TMEM233: variants seen among roughly 807,000 people sequenced by gnomAD.
TMEM233 encodes the protein transmembrane protein 233, also known as dispanin subfamily B member 2.
TMEM233 carries 6 observed loss-of-function variants against 11.2 expected under a neutral mutation model. That is an observed-to-expected ratio of 0.54 (90% CI 0.29 to 1.06). The LOEUF is 1.06. Among genes scored for constraint, TMEM233 ranks in the 50% least tolerant of loss-of-function variants. TMEM233 has a pLI of 0.08. For synonymous variants in TMEM233, 59 were observed against 55.8 expected, an observed-to-expected ratio of 1.06 and a Z score of -0.26; for missense variants, 127 against 144.7, an observed-to-expected ratio of 0.88 and a Z score of 0.63.
In TMEM233 at chr12:119,642,229, T is replaced by G. The variant is rs1200543881; in HGVS notation, c.*1524T>G. On this transcript the variant is annotated 3_prime_UTR_variant, in exon 3 of 3. Transcript: ENST00000426426. The stretch of plus-strand genomic sequence containing the variant: ...CAGCAATTTGAGAGGCTGAGATCAC[T>G]TAAGGTCAGGAGTTTGAGACCAGCC... 6.6e-6 allele frequency: 1 copy of G among 152,038 alleles called. No individual in the cohort carries two copies. Among genetic ancestry groups the G allele is most frequent in the Non-Finnish European group, 1.5e-5 (1 of 68,014 alleles). 9.4% of individuals were successfully genotyped at this position (152,038 alleles called of 1,614,324 possible).
chr12:119,620,694 A>C (rs148631580), intron 1 of TMEM233, among the ~76,000 whole-genome samples: 247 of 152,188 alleles, frequency 1.6e-3, no homozygotes, highest in African/African-American at 5.5e-3. Context: ...ACTTTCCCCA[A>C]GAATACAAGG....
At chr12:119,651,383 C>G in the TMEM233 span, among the ~76,000 whole-genome samples, 8 of 152,308 alleles carry the variant, frequency 5.3e-5, no homozygotes, top group Admixed American at 4.6e-4. Flanking sequence ...AACCTTCAGA[C>G]AAAAGCCCCA....
rs1954026624 is a variant in TMEM233, at chr12:119,595,551, A to G, written c.186+1517A>G. On this transcript the variant is annotated intron_variant, in intron 1 of 2. Coordinates refer to ENST00000426426, the MANE Select transcript of TMEM233 (RefSeq NM_001136534.3). This position sits in a 1 kb window ranked among gnomAD's most constrained non-coding sequence, Gnocchi z 4.3. ...TCAAATCCCAATTCTCCCACTTTCT[A>G]GCTGTGTGATCTCTGAAGTCACTGC... Among the ~76,000 whole-genome samples the G allele has an allele frequency of 6.6e-6, 1 of 152,206 alleles. No homozygotes were observed. The highest frequency in any genetic ancestry group is 1.5e-5 in the Non-Finnish European group (1 of 68,042).
chr12:119,654,117 T>C, the TMEM233 span, among the ~76,000 whole-genome samples: 3 of 152,090 alleles, frequency 2.0e-5, no homozygotes, highest in Non-Finnish European at 4.4e-5. Context: ...AAAATGATAA[T>C]TGACTTCTCT....
chr12:119,636,585 C>G (rs899895256), intron 2 of TMEM233, among the ~76,000 whole-genome samples: 3 of 152,130 alleles, frequency 2.0e-5, no homozygotes, highest in Non-Finnish European at 4.4e-5. Context: ...CCTGAGTTAG[C>G]TGGGATTACA....
chr12:119,612,282 T>G (rs1198897896), intron 1 of TMEM233, among the ~76,000 whole-genome samples: 1 of 150,762 alleles, frequency 6.6e-6, no homozygotes, highest in Non-Finnish European at 1.5e-5. Flanking sequence ...CGTGAGCCAC[T>G]GCGCCCAGCC....
chr12:119,640,817 C>CTGGAGAGT lies in TMEM233; in HGVS notation c.*112_*113insTGGAGAGT. 1 of 1,198,620 alleles carries CTGGAGAGT rather than the reference C, an allele frequency of 8.3e-7. No homozygotes were observed. Among genetic ancestry groups the CTGGAGAGT allele is most frequent in the Non-Finnish European group, 1.2e-6 (1 of 851,972 alleles). The allele number at this position is 1,198,620 out of a possible 1,614,324, so 74.2% of individuals were successfully genotyped here. A position where few individuals can be genotyped will look rare whatever the true frequency, so the allele number is the denominator to read the frequency against. On this transcript the variant is annotated 3_prime_UTR_variant, in exon 3 of 3. Transcript: ENST00000426426. ...ACTTCAGACTGTGAGATCTTTTCCT[C>CTGGAGAGT]CAGGACTCTCCAGAGGCAGGTCCCT...
chr12:119,598,832 A>G (rs1954099548), intron 1 of TMEM233, among the ~76,000 whole-genome samples: 1 of 152,186 alleles, frequency 6.6e-6, no homozygotes, highest in Non-Finnish European at 1.5e-5. Context: ...GATAGTATTT[A>G]CCCAAGTGCA....
intron 2 of TMEM233, among the ~76,000 whole-genome samples, chr12:119,639,051 A>G (rs1955027726): frequency 1.3e-5 from 2 of 151,952 alleles, no homozygotes; most frequent in South Asian, 4.2e-4. Flanking sequence ...ATGCAAGCAT[A>G]TTCCTGCCTC....
intron 1 of TMEM233, among the ~76,000 whole-genome samples, chr12:119,617,470 C>T (rs1404135357): frequency 6.6e-6 from 1 of 152,080 alleles, no homozygotes; most frequent in Non-Finnish European, 1.5e-5. Context: ...GAAATTTCTA[C>T]ATGGCAAAGC....
chr12:119,623,911 T>C (rs1215144058), intron 1 of TMEM233, among the ~76,000 whole-genome samples: 1 of 152,204 alleles, frequency 6.6e-6, no homozygotes, highest in Admixed American at 6.5e-5. Context: ...AGACATGGAA[T>C]TTGAACTCAG....
chr12:119,631,655 C>T, intron 2 of TMEM233: 1 of 985,382 alleles, frequency 1.0e-6, no homozygotes, highest in Non-Finnish European at 1.2e-6. Context: ...AACTTGTGAG[C>T]AGGGGAGCCA....
Position 119,594,221 on chromosome 12 carries a change from A to C in TMEM233, c.186+187A>C. 1 of 612,522 alleles carries C rather than the reference A, an allele frequency of 1.6e-6. No homozygotes were observed. The highest frequency in any genetic ancestry group is 2.9e-6 in the Non-Finnish European group (1 of 349,452). The allele number at this position is 612,522 out of a possible 1,614,324, so 37.9% of individuals were successfully genotyped here. A position where few individuals can be genotyped will look rare whatever the true frequency, so the allele number is the denominator to read the frequency against. ...CAGAGCTCTCCCCGCAATCATCAGC[A>C]CCTCCTCTGCACTCCTCGTGGTACT... On this transcript the variant is annotated intron_variant, in intron 1 of 2. Transcript: ENST00000426426. The surrounding 1 kb of genome is among the most constrained non-coding windows in gnomAD (Gnocchi z 5.6).
chr12:119,606,979 A>T (rs978027229), intron 1 of TMEM233, among the ~76,000 whole-genome samples: 2 of 152,220 alleles, frequency 1.3e-5, no homozygotes, highest in African/African-American at 4.8e-5. Context: ...TGAAGGGCCA[A>T]GTGGAAAAAC....
Position 119,640,860 on chromosome 12 carries a change from A to AC in TMEM233, c.*155_*156insC. On this transcript the variant is annotated 3_prime_UTR_variant, in exon 3 of 3. Transcript: ENST00000426426. ...AGGTCCCTGGCAAATGAACAAGAAAAAAAAAAAAAAAAAGTCCAAAATTTA... is the reference window on the plus strand; with the variant it reads ...AGGTCCCTGGCAAATGAACAAGAAAACAAAAAAAAAAAAAGTCCAAAATTTA... 1.6e-6 allele frequency: 1 copy of AC among 625,606 alleles called. No individual in the cohort carries two copies. Among genetic ancestry groups the AC allele is most frequent in the East Asian group, 3.0e-5 (1 of 33,472 alleles). The allele number at this position is 625,606 out of a possible 1,614,324, so 38.8% of individuals were successfully genotyped here.
intron 1 of TMEM233, among the ~76,000 whole-genome samples, chr12:119,600,875 G>C (rs974285674): frequency 6.6e-6 from 1 of 151,992 alleles, no homozygotes; most frequent in African/African-American, 2.4e-5. Context: ...GGTGATGGTT[G>C]TACAACAGTG....
At chr12:119,651,753 G>A in the TMEM233 span, among the ~76,000 whole-genome samples, 1 of 147,886 alleles carries the variant, frequency 6.8e-6, no homozygotes, top group Non-Finnish European at 1.5e-5. Flanking sequence ...CCTGAACCAG[G>A]GAGTCGGAGG....
intron 1 of TMEM233, among the ~76,000 whole-genome samples, chr12:119,603,717 A>T (rs1426148888): frequency 1.3e-5 from 2 of 152,180 alleles, no homozygotes; most frequent in Non-Finnish European, 2.9e-5. Flanking sequence ...TGATTTGTGT[A>T]TGTGAGGCCC....
chr12:119,605,409 C>CTTTTTTTT lies in TMEM233; in HGVS notation c.186+11404_186+11411dup, dbSNP rs6144897. ...TTATAATCAGACAGCTATGCCTTTCCTTTTTTTTTTTTTTTTTTTTTTTTT... is the reference window on the plus strand; with the variant it reads ...TTATAATCAGACAGCTATGCCTTTCCTTTTTTTTTTTTTTTTTTTTTTTTTTTTTTTTT... On this transcript the variant is annotated intron_variant, in intron 1 of 2. Coordinates refer to ENST00000426426, the MANE Select transcript of TMEM233 (RefSeq NM_001136534.3). Among the ~76,000 whole-genome samples the CTTTTTTTT allele has an allele frequency of 1.6e-4, 15 of 93,640 alleles. 1 individual carries two copies. Among genetic ancestry groups the CTTTTTTTT allele is most frequent in the African/African-American group, 5.6e-4 (15 of 26,862 alleles). 61.4% of individuals were successfully genotyped at this position (93,640 alleles called of 152,430 possible). A position where few individuals can be genotyped will look rare whatever the true frequency, so the allele number is the denominator to read the frequency against.
Sources: allele counts gnomAD v4.1 joint callset (sites outside exome capture counted in the v4.1 genomes callset), GRCh38; gene constraint gnomAD v4.1.1; non-coding constraint Gnocchi (gnomAD v3.1); transcripts MANE v1.5; gene names NCBI Gene and HGNC (gene_info 2026-07-23, HGNC 2026-07-21).